Variants in TASP1 observed in about 807,000 individuals in gnomAD.
The protein encoded by TASP1 is taspase 1.
In TASP1, 16 loss-of-function variants were observed where a neutral mutation model predicts 56.6. That is an observed-to-expected ratio of 0.28 (90% confidence interval 0.19 to 0.43). TASP1 has a LOEUF of 0.43. Ranked by LOEUF, TASP1 falls within the 20% of genes least tolerant of loss-of-function variation. TASP1 has a pLI of 1.00. For synonymous variants in TASP1, 179 were observed against 184.2 expected (o/e 0.97, Z 0.23); for missense variants, 393 against 511.6 (o/e 0.77, Z 2.24).
intron 13 of TASP1, among the ~76,000 whole-genome samples, chr20:13,394,020 C>T (rs1175441923): frequency 6.6e-6 from 1 of 152,138 alleles, no homozygotes; most frequent in Non-Finnish European, 1.5e-5. Flanking sequence ...GTGGCTCACG[C>T]CTGTAATCCT....
intron 12 of TASP1, among the ~76,000 whole-genome samples, chr20:13,419,608 C>T (rs112867220): frequency 2.0e-5 from 3 of 152,274 alleles, no homozygotes; most frequent in East Asian, 1.9e-4. Flanking sequence ...CAACACTAAA[C>T]CCTGTCCCCC....
the TASP1 span, among the ~76,000 whole-genome samples, chr20:13,363,761 T>G: frequency 6.6e-6 from 1 of 152,248 alleles, no homozygotes; most frequent in Non-Finnish European, 1.5e-5. Flanking sequence ...TAATGTCCAA[T>G]GCAGAATTGC....
the TASP1 span, among the ~76,000 whole-genome samples, chr20:13,130,359 CACT>C: frequency 6.6e-6 from 1 of 152,248 alleles, no homozygotes; most frequent in Non-Finnish European, 1.5e-5. Context: ...CAGCCCACTC[CACT>C]ACAACTGTGA....
chr20:13,203,684 T>C, the TASP1 span, among the ~76,000 whole-genome samples: 1 of 152,246 alleles, frequency 6.6e-6, no homozygotes, highest in Admixed American at 6.5e-5. Context: ...ACATTTTTTA[T>C]AGCCACTGCC....
At chr20:13,480,958 C>T (rs1391293397) in intron 11 of TASP1, among the ~76,000 whole-genome samples, 1 of 131,324 alleles carries the variant, frequency 7.6e-6, no homozygotes, top group Non-Finnish European at 1.8e-5. Context: ...TTCAGATGAT[C>T]CAATTACACT....
At chr20:13,607,594 T>C (rs570818079) in intron 4 of TASP1, among the ~76,000 whole-genome samples, 2 of 152,322 alleles carry the variant, frequency 1.3e-5, no homozygotes, top group South Asian at 4.1e-4. Context: ...TTTCCAATCT[T>C]CCTTTAACGA....
At chr20:13,332,311 T>G in the TASP1 span, among the ~76,000 whole-genome samples, 1 of 151,642 alleles carries the variant, frequency 6.6e-6, no homozygotes, top group Non-Finnish European at 1.5e-5. Context: ...TGAAAGGTAC[T>G]GAAATATAAA....
At chr20:13,221,268 C>G in the TASP1 span, among the ~76,000 whole-genome samples, 3 of 147,240 alleles carry the variant, frequency 2.0e-5, no homozygotes, top group East Asian at 6.1e-4. Context: ...CCTCCTTCTC[C>G]TTCTCCTCCT....
At chr20:13,566,045 G>A (rs988856192) in intron 7 of TASP1, among the ~76,000 whole-genome samples, 1 of 152,140 alleles carries the variant, frequency 6.6e-6, no homozygotes, top group Non-Finnish European at 1.5e-5. Context: ...GCTACAACAT[G>A]GATGAACCTT....
chr20:13,321,169 T>G, the TASP1 span, among the ~76,000 whole-genome samples: 17,150 of 145,402 alleles, frequency 0.12, 1,170 homozygotes, highest in Admixed American at 0.19. Flanking sequence ...GCCACTACAC[T>G]GCAGCCTAGG....
the TASP1 span, among the ~76,000 whole-genome samples, chr20:13,219,589 G>A: frequency 6.6e-6 from 1 of 151,340 alleles, no homozygotes; most frequent in African/African-American, 2.4e-5. Flanking sequence ...CCCTCGCACC[G>A]TTCCCCACCC....
intron 13 of TASP1, among the ~76,000 whole-genome samples, chr20:13,395,105 C>T (rs1322734240): frequency 2.0e-5 from 3 of 152,166 alleles, no homozygotes; most frequent in African/African-American, 7.2e-5. Context: ...AAACTGCACA[C>T]AACTTAATTT....
chr20:13,596,890 G>T (rs1018546768), intron 4 of TASP1, among the ~76,000 whole-genome samples: 17 of 152,142 alleles, frequency 1.1e-4, no homozygotes, highest in Admixed American at 2.6e-4. Context: ...TACCATCAGA[G>T]AATACTATAA....
chr20:13,528,503 A>C lies in TASP1; in HGVS notation c.804T>G (p.Leu268=). The change falls in exon 10 of 14, where the codon CTT becomes CTG. Residue 268 remains leucine (L), a synonymous_variant. Coordinates refer to ENST00000337743, the MANE Select transcript of TASP1 (RefSeq NM_017714.3). ...TTTCAGCCCAGCAGCCACATCCATA[A>C]AGAGCAGCCTGGGGAAAAAAGAAAA... ...KHPGRVGQAA[L]YGCGCWAENT... is the part of the protein sequence containing the mutation. The C allele has an allele frequency of 6.2e-7, 1 of 1,609,194 alleles. No homozygotes were observed. Among genetic ancestry groups the C allele is most frequent in the Admixed American group, 1.7e-5 (1 of 59,810 alleles).
intron 4 of TASP1, among the ~76,000 whole-genome samples, chr20:13,611,064 C>G (rs1404515796): frequency 3.3e-5 from 5 of 152,160 alleles, no homozygotes; most frequent in Non-Finnish European, 7.3e-5. Flanking sequence ...AAATGGGAGA[C>G]AGTCAATGGT....
chr20:13,144,230 A>C, the TASP1 span, among the ~76,000 whole-genome samples: 1 of 152,138 alleles, frequency 6.6e-6, no homozygotes, highest in Non-Finnish European at 1.5e-5. Context: ...CTCTCAGAGC[A>C]CTTCTTTTAT....
intron 13 of TASP1, among the ~76,000 whole-genome samples, chr20:13,392,459 G>T (rs1045944364): frequency 6.6e-6 from 1 of 152,172 alleles, no homozygotes; most frequent in Non-Finnish European, 1.5e-5. Flanking sequence ...TTGAAAGTCG[G>T]TTTTGGGCAG....
chr20:13,291,093 G>A, the TASP1 span, among the ~76,000 whole-genome samples: 1 of 152,202 alleles, frequency 6.6e-6, no homozygotes, highest in Non-Finnish European at 1.5e-5. Context: ...ACTCAAGGTG[G>A]TAGATTTAAG....
chr20:13,399,122 T>C (rs1374009288), intron 13 of TASP1, among the ~76,000 whole-genome samples: 1 of 152,212 alleles, frequency 6.6e-6, no homozygotes, highest in Non-Finnish European at 1.5e-5. Flanking sequence ...CCTTGTTTTT[T>C]AGGACACCAC....
Sources: allele counts gnomAD v4.1 joint callset (sites outside exome capture counted in the v4.1 genomes callset), GRCh38; gene constraint gnomAD v4.1.1; transcripts MANE v1.5; gene names NCBI Gene and HGNC (gene_info 2026-07-23, HGNC 2026-07-21).